Variants in NOTCH2 observed in about 807,000 individuals in gnomAD.
The protein encoded by NOTCH2 is notch receptor 2.
Under a neutral mutation model 235.8 loss-of-function variants are expected in NOTCH2, and 29 were observed. The observed-to-expected ratio is 0.12, with a 90% CI of 0.09 to 0.17. The LOEUF (loss-of-function observed/expected upper bound fraction) is 0.17, where lower values mean the gene tolerates loss of function less well. NOTCH2 is among the 10% of genes least tolerant of loss of function. The pLI, the probability that NOTCH2 is intolerant of heterozygous loss-of-function variation, is 1.00. For missense variants in NOTCH2, 2,285 were observed against 3,150.2 expected (o/e 0.73, Z 6.57); for synonymous variants, 1,086 against 1,141.5 (o/e 0.95, Z 0.98).
At chr1:119,970,352 A>G (rs1651312607) in intron 5 of NOTCH2, among the ~76,000 whole-genome samples, 1 of 152,220 alleles carries the variant, frequency 6.6e-6, no homozygotes, top group African/African-American at 2.4e-5. Context: ...AACATAGGGT[A>G]CAGAGAAGAC....
At chr1:119,986,669 G>T (rs1370460331) in intron 5 of NOTCH2, among the ~76,000 whole-genome samples, 1 of 152,138 alleles carries the variant, frequency 6.6e-6, no homozygotes, top group Non-Finnish European at 1.5e-5. Context: ...GCTTTTCCCA[G>T]ATAATAAGCT....
At chr1:120,015,324 A>T (rs1553207810) in intron 2 of NOTCH2, among the ~76,000 whole-genome samples, 1 of 152,176 alleles carries the variant, frequency 6.6e-6, no homozygotes, top group African/African-American at 2.4e-5. Context: ...CCCAATCCGC[A>T]GTGGCAGCCT....
intron 9 of NOTCH2, 65 bp from the exon 10 acceptor site, chr1:119,965,631 T>C: frequency 1.8e-6 from 2 of 1,115,552 alleles, no homozygotes; most frequent in South Asian, 2.5e-5. Context: ...ACCATGAGAA[T>C]GATGTTAGGT....
intron 2 of NOTCH2, among the ~76,000 whole-genome samples, chr1:120,008,843 G>A (rs1223386744): frequency 6.6e-6 from 1 of 152,174 alleles, no homozygotes; most frequent in Non-Finnish European, 1.5e-5. Context: ...TACACTCTTG[G>A]AGTTTACATT....
chr1:119,925,672 G>T lies in NOTCH2; in HGVS notation c.4144C>A (p.Pro1382Thr). ...RDCESGCASS[P>T]CQHGGSCHPQ... ...TGGCAGCTGCCCCCGTGCTGGCAGGGGCTACTGGCACAGCCTGACTCGCAG... is the reference window on the plus strand; with the variant it reads ...TGGCAGCTGCCCCCGTGCTGGCAGGTGCTACTGGCACAGCCTGACTCGCAG... The change falls in exon 25 of 34, where the codon CCC becomes ACC. Residue 1382 changes from proline to threonine, a missense_variant. Coordinates refer to ENST00000256646, the MANE Select transcript of NOTCH2 (RefSeq NM_024408.4). 1 of 1,612,472 alleles carries T rather than the reference G, an allele frequency of 6.2e-7. No individual in the cohort carries two copies. The highest frequency in any genetic ancestry group is 1.3e-5 in the African/African-American group (1 of 75,004).
chr1:119,963,257 A>G (rs1553199250), intron 11 of NOTCH2, among the ~76,000 whole-genome samples: 1 of 152,312 alleles, frequency 6.6e-6, no homozygotes, highest in Admixed American at 6.5e-5. Flanking sequence ...AGAAAAAAAG[A>G]TAATATAGCC....
intron 11 of NOTCH2, among the ~76,000 whole-genome samples, chr1:119,962,599 G>T (rs1485372574): frequency 1.3e-5 from 2 of 152,152 alleles, no homozygotes; most frequent in Non-Finnish European, 2.9e-5. Context: ...TTGAAGAAAT[G>T]GATTTGGAAA....
At chr1:119,935,723 G>A in intron 21 of NOTCH2, 119 bp from the exon 22 acceptor site, 1 of 1,129,724 alleles carries the variant, frequency 8.9e-7, no homozygotes, top group African/African-American at 1.5e-5. Flanking sequence ...TTTAGCTTTT[G>A]TATGTTTTCT....
rs201968231 is a variant in NOTCH2 at position 119,928,990 on chromosome 1, C to T, written c.3878G>A (p.Arg1293His). The T allele has an allele frequency of 1.6e-4, 259 of 1,613,926 alleles. No homozygotes were observed. The highest frequency in any genetic ancestry group is 2.0e-4 in the Non-Finnish European group (234 of 1,179,936). ...QLTNDYLCVC[R>H]SAFTGRHCET... ...GAGCTTCTCACCAGTAAAGGCACTA[C>T]GGCAAACACACAGGTAGTCATTGGT... Residue 1293 changes from arginine to histidine, a missense_variant, in exon 23 of 34, where the codon CGT becomes CAT. By Grantham distance (29) the Arg-to-His change is conservative. Transcript: ENST00000256646.
chr1:119,948,825 A>C (rs1275127155), intron 16 of NOTCH2, among the ~76,000 whole-genome samples, 182 bp downstream of exon 16: 1 of 152,138 alleles, frequency 6.6e-6, no homozygotes, highest in Non-Finnish European at 1.5e-5. Context: ...CCCGAAGACA[A>C]GGACAATGGA....
chr1:119,975,060 T>G (rs980573657), intron 5 of NOTCH2, among the ~76,000 whole-genome samples: 3 of 152,184 alleles, frequency 2.0e-5, no homozygotes, highest in Non-Finnish European at 4.4e-5. Flanking sequence ...GCACAGTTAG[T>G]TGGCAAAATA....
At position 119,935,453 on chromosome 1, in the gene NOTCH2, G is replaced by T; in HGVS notation, c.3655+19C>A. ...AAGACAATGCCCTGGATGGAAAATG[G>T]ATAAGGATGATTTCATACCCCGAGT... On this transcript the variant is annotated intron_variant, in intron 22 of 33. Transcript: ENST00000256646. The T allele has an allele frequency of 5.0e-6, 8 of 1,614,176 alleles. No individual in the cohort carries two copies. The highest frequency in any genetic ancestry group is 6.8e-6 in the Non-Finnish European group (8 of 1,180,018).
At chr1:119,979,293 T>A (rs1467194566) in intron 5 of NOTCH2, among the ~76,000 whole-genome samples, 2 of 152,172 alleles carry the variant, frequency 1.3e-5, no homozygotes, top group Admixed American at 6.5e-5. Context: ...ATTGCAAAGA[T>A]AATAGGTTTT....
At chr1:119,954,642 T>TG (rs1354331726) in intron 13 of NOTCH2, among the ~76,000 whole-genome samples, 2 of 152,166 alleles carry the variant, frequency 1.3e-5, no homozygotes, top group Non-Finnish European at 2.9e-5. Flanking sequence ...GAGCACACAC[T>TG]GGCACTGTGA....
intron 14 of NOTCH2, among the ~76,000 whole-genome samples, chr1:119,951,493 C>T (rs1650474135): frequency 6.6e-6 from 1 of 152,176 alleles, no homozygotes; most frequent in African/African-American, 2.4e-5. Flanking sequence ...TTGTATATAA[C>T]ATTTCTGGTC....
At chr1:119,957,445 A>G (rs587775824) in intron 12 of NOTCH2, among the ~76,000 whole-genome samples, 2 of 152,336 alleles carry the variant, frequency 1.3e-5, no homozygotes, top group East Asian at 3.9e-4. Flanking sequence ...TAGTATTAAA[A>G]CAAAAAAATC....
intron 24 of NOTCH2, 84 bp from the exon 25 acceptor site, chr1:119,925,894 C>CA: frequency 6.8e-7 from 1 of 1,462,616 alleles, no homozygotes; most frequent in Non-Finnish European, 9.5e-7. Flanking sequence ...AAAACCTCCA[C>CA]ATCTCACTCC....
chr1:119,944,246 A>G (rs999127452), intron 17 of NOTCH2, among the ~76,000 whole-genome samples: 4 of 152,100 alleles, frequency 2.6e-5, no homozygotes, highest in Non-Finnish European at 5.9e-5. Context: ...CATAAAGAAC[A>G]CTACACCAGG....
At position 120,011,518 on chromosome 1, in the gene NOTCH2, C is replaced by A. The variant is rs2604039; in HGVS notation, c.156-5930G>T. ...TGGTGCTTCTATGCTTAATAGTAGTCATAATAATCAGAATGACCAAAATTT... is the reference window on the plus strand; with the variant it reads ...TGGTGCTTCTATGCTTAATAGTAGTAATAATAATCAGAATGACCAAAATTT... On this transcript the variant is annotated intron_variant, in intron 2 of 33. Transcript: ENST00000256646. Among the ~76,000 whole-genome samples the A allele has an allele frequency of 2.3e-4, 35 of 152,288 alleles. No homozygotes were observed. The East Asian group carries it at 4.6e-3, about 20-fold the overall frequency.
Sources: allele counts gnomAD v4.1 joint callset (sites outside exome capture counted in the v4.1 genomes callset), GRCh38; gene constraint gnomAD v4.1.1; transcripts MANE v1.5; gene names NCBI Gene and HGNC (gene_info 2026-07-23, HGNC 2026-07-21).